Variants in TFPI observed in about 807,000 individuals in gnomAD.
The protein encoded by TFPI is anti-convertin.
Under a neutral mutation model 34.6 loss-of-function variants are expected in TFPI, and 15 were observed. The observed-to-expected ratio is 0.43, with a 90% confidence interval of 0.29 to 0.67. TFPI has a LOEUF of 0.67. Ranked by LOEUF, TFPI falls within the 30% of genes least tolerant of loss-of-function variation. The pLI is 0.15. For missense variants in TFPI, 301 were observed against 364.0 expected (o/e 0.83, Z 1.41); for synonymous variants, 105 against 120.1 (o/e 0.87, Z 0.82).
chr2:187,469,099 T>G (rs1474380342), intron 6 of TFPI, among the ~76,000 whole-genome samples: 1 of 151,560 alleles, frequency 6.6e-6, no homozygotes, highest in East Asian at 1.9e-4. Flanking sequence ...TGAAAAAAAA[T>G]CTCAAATTGA....
At chr2:187,503,462 T>TACACACACACAC (rs138349562) in intron 2 of TFPI, among the ~76,000 whole-genome samples, 186 bp downstream of exon 2, 22 of 142,320 alleles carry the variant, frequency 1.5e-4, no homozygotes, top group South Asian at 4.7e-4. Context: ...CATGTGCATG[T>TACACACACACAC]ACACACACAC....
At chr2:187,496,418 C>G (rs1265540004) in intron 3 of TFPI, among the ~76,000 whole-genome samples, 5 of 152,064 alleles carry the variant, frequency 3.3e-5, no homozygotes, top group Non-Finnish European at 7.4e-5. Context: ...ACTGAGATTA[C>G]AAGTCTGGGA....
intron 1 of TFPI, among the ~76,000 whole-genome samples, chr2:187,535,246 C>T (rs1361263945): frequency 2.0e-5 from 3 of 152,176 alleles, no homozygotes; most frequent in African/African-American, 4.8e-5. Context: ...ACCTAATAGA[C>T]ATCTACAGAA....
intron 1 of TFPI, among the ~76,000 whole-genome samples, chr2:187,549,989 C>G (rs1051582097): frequency 6.6e-6 from 1 of 151,962 alleles, no homozygotes; most frequent in African/African-American, 2.4e-5. Context: ...TTTGTTCCAC[C>G]AGACTGAGTG....
Position 187,532,581 on chromosome 2 carries a change from C to T in TFPI, c.-3+21619G>A, listed in dbSNP as rs185792552. ...AACGCTTTCCCCATGGTCTTTGCAA[C>T]CCGCAGACCAGGAGATTCCATCGCG... On this transcript the variant is annotated intron_variant, in intron 1 of 7. Coordinates refer to ENST00000233156, the MANE Select transcript of TFPI (RefSeq NM_006287.6). Among the ~76,000 whole-genome samples, 350 of 152,364 alleles carry T rather than the reference C, an allele frequency of 2.3e-3. 2 individuals carry two copies. Among genetic ancestry groups the T allele is most frequent in the African/African-American group, 8.2e-3 (339 of 41,590 alleles).
At chr2:187,472,804 G>C (rs796589408) in intron 6 of TFPI, among the ~76,000 whole-genome samples, 2 of 152,270 alleles carry the variant, frequency 1.3e-5, no homozygotes, top group African/African-American at 4.8e-5. Flanking sequence ...CTGAGGTCCA[G>C]AGTTTGAGAC....
intron 6 of TFPI, among the ~76,000 whole-genome samples, chr2:187,480,630 G>A (rs756941565): frequency 2.0e-5 from 3 of 152,034 alleles, no homozygotes; most frequent in East Asian, 1.9e-4. Context: ...GCGTTTATGC[G>A]CAAAATTGCA....
chr2:187,537,829 A>C (rs1453042040), intron 1 of TFPI, among the ~76,000 whole-genome samples: 3 of 152,238 alleles, frequency 2.0e-5, no homozygotes, highest in African/African-American at 7.2e-5. Context: ...AAATTTTTGC[A>C]ATCTATCCAT....
In TFPI at chr2:187,465,482, A is replaced by G. The variant is rs998617022; in HGVS notation, c.*1454T>C. On this transcript the variant is annotated 3_prime_UTR_variant, in exon 8 of 8. Coordinates refer to ENST00000233156, the MANE Select transcript of TFPI (RefSeq NM_006287.6). ...CCTGTCTAAAAAAACATAACAAAAC[A>G]AAACAAAATGAAAAAAAAAAAAAAA... 2 of 144,250 alleles carry G rather than the reference A, an allele frequency of 1.4e-5. No individual in the cohort carries two copies. The highest frequency in any genetic ancestry group is 2.6e-5 in the African/African-American group (1 of 38,062). The allele number at this position is 144,250 out of a possible 1,614,324, so 8.9% of individuals were successfully genotyped here.
intron 6 of TFPI, chr2:187,478,557 A>G (rs559738341): frequency 7.8e-5 from 103 of 1,315,508 alleles, no homozygotes; most frequent in Non-Finnish European, 1.0e-4. Flanking sequence ...TTTACAAGTG[A>G]GGTGCAGTGA....
Position 187,465,832 on chromosome 2 carries a change from T to C in TFPI, c.*1104A>G, listed in dbSNP as rs1691697349. ...GATTTGAGGTGAACACTACAGAAAC[T>C]GACATGTCTTGGAGGTTGTTGAGGT... is the stretch of plus-strand genomic sequence containing the variant. On this transcript the variant is annotated 3_prime_UTR_variant, in exon 8 of 8. Transcript: ENST00000233156. 6.6e-6 allele frequency: 1 copy of C among 152,068 alleles called. No homozygotes were observed. The allele number at this position is 152,068 out of a possible 1,614,324, so 9.4% of individuals were successfully genotyped here. A position where few individuals can be genotyped will look rare whatever the true frequency, so the allele number is the denominator to read the frequency against.
chr2:187,494,333 T>C (rs1685325769), intron 3 of TFPI, among the ~76,000 whole-genome samples: 1 of 152,164 alleles, frequency 6.6e-6, no homozygotes, highest in Non-Finnish European at 1.5e-5. Flanking sequence ...ACTTCTGCTT[T>C]CTAATCTCTA....
At position 187,466,565 on chromosome 2, in the gene TFPI, T is replaced by A. The variant is rs1350604553; in HGVS notation, c.*371A>T. The A allele has an allele frequency of 6.5e-6, 1 of 154,582 alleles. No individual in the cohort carries two copies. The highest frequency in any genetic ancestry group is 2.4e-5 in the African/African-American group (1 of 41,488). 9.6% of individuals were successfully genotyped at this position (154,582 alleles called of 1,614,324 possible). A position where few individuals can be genotyped will look rare whatever the true frequency, so the allele number is the denominator to read the frequency against. On this transcript the variant is annotated 3_prime_UTR_variant, in exon 8 of 8. Transcript: ENST00000233156. ...TTTTTAAGAGCTGTATTCCTTAATC[T>A]GGTTACAGGCTATAAAGGAGATAAT... is the stretch of plus-strand genomic sequence containing the variant.
chr2:187,521,273 C>T (rs1258546269), intron 1 of TFPI, among the ~76,000 whole-genome samples: 1 of 152,034 alleles, frequency 6.6e-6, no homozygotes, highest in Non-Finnish European at 1.5e-5. Context: ...AGCAGAATCT[C>T]CTATTTTAAG....
At chr2:187,530,241 T>C (rs1252807687) in intron 1 of TFPI, among the ~76,000 whole-genome samples, 1 of 152,294 alleles carries the variant, frequency 6.6e-6, no homozygotes, top group African/African-American at 2.4e-5. Flanking sequence ...AGTAATATAT[T>C]TGTTTTCTGA....
At chr2:187,534,422 C>T (rs535693317) in intron 1 of TFPI, among the ~76,000 whole-genome samples, 2 of 152,250 alleles carry the variant, frequency 1.3e-5, no homozygotes, top group African/African-American at 4.8e-5. Context: ...ATTCCACATT[C>T]TTAAAGAAAA....
At chr2:187,505,123 G>C (rs1422986008) in intron 1 of TFPI, among the ~76,000 whole-genome samples, 21 of 123,742 alleles carry the variant, frequency 1.7e-4, no homozygotes, top group Admixed American at 1.3e-3. Context: ...TCGCATTTTT[G>C]AACACGTTTT....
At chr2:187,491,566 A>G (rs1685124725) in intron 3 of TFPI, among the ~76,000 whole-genome samples, 2 of 152,062 alleles carry the variant, frequency 1.3e-5, no homozygotes, top group African/African-American at 4.8e-5. Context: ...GTATATGTGT[A>G]TATATAAATA....
At chr2:187,543,710 CT>C (rs1281933397) in intron 1 of TFPI, among the ~76,000 whole-genome samples, 1 of 152,150 alleles carries the variant, frequency 6.6e-6, no homozygotes, top group African/African-American at 2.4e-5. Context: ...ATTCCATTAA[CT>C]TTATAGTGTT....
Sources: allele counts gnomAD v4.1 joint callset (sites outside exome capture counted in the v4.1 genomes callset), GRCh38; gene constraint gnomAD v4.1.1; transcripts MANE v1.5; gene names NCBI Gene and HGNC (gene_info 2026-07-23, HGNC 2026-07-21).